ZNF385D: variants seen among roughly 807,000 people sequenced by gnomAD.
ZNF385D encodes zinc finger protein 385D, also known as zinc finger protein 659.
A neutral mutation model predicts 35.8 loss-of-function variants in ZNF385D; 15 were observed. The ratio of observed to expected loss-of-function variants is 0.42; its 90% CI spans 0.28 to 0.64. ZNF385D has a LOEUF of 0.64. ZNF385D is among the 30% of genes least tolerant of loss of function. The pLI is 0.23. For synonymous variants in ZNF385D, 212 were observed against 186.8 expected, an observed-to-expected ratio of 1.13 and a Z score of -1.10; for missense variants, 474 against 494.6, an observed-to-expected ratio of 0.96 and a Z score of 0.39.
At chr3:21,628,057 A>G (rs112249723) in intron 2 of ZNF385D, among the ~76,000 whole-genome samples, 4,215 of 152,228 alleles carry the variant, frequency 0.028, 182 homozygotes, top group African/African-American at 0.092. Context: ...TTTACTACTG[A>G]CATCAACAAC....
intron 2 of ZNF385D, among the ~76,000 whole-genome samples, chr3:21,626,404 A>C (rs1007776016): frequency 4.6e-5 from 7 of 152,276 alleles, no homozygotes; most frequent in African/African-American, 1.4e-4. Context: ...AATGATAGTC[A>C]TTAAATTTAA....
At chr3:22,317,484 G>C (rs924696347) in intron 2 of ZNF385D, among the ~76,000 whole-genome samples, 1 of 152,000 alleles carries the variant, frequency 6.6e-6, no homozygotes, top group African/African-American at 2.4e-5. Flanking sequence ...GATATTACCT[G>C]TGGGACTTTA....
chr3:21,838,116 A>C lies in ZNF385D; in HGVS notation c.326-173088T>G, dbSNP rs183479024. On this transcript the variant is annotated intron_variant, in intron 3 of 5. Transcript: ENST00000494108. ...GGCATGATTATAAAGATTAACAATG[A>C]ATTCCCAGAGTAACACAGAAGAACA... 2.0e-5 allele frequency among the ~76,000 whole-genome samples: 3 copies of C among 152,120 alleles called. No individual in the cohort carries two copies. In the South Asian group the frequency reaches 6.2e-4, roughly 32 times the overall value.
intron 3 of ZNF385D, among the ~76,000 whole-genome samples, chr3:22,016,392 T>C (rs749443282): frequency 6.6e-6 from 1 of 152,154 alleles, no homozygotes; most frequent in Non-Finnish European, 1.5e-5. Flanking sequence ...CTTAGCATTC[T>C]ATGTACTTAG....
At chr3:22,354,970 A>C (rs1696082687) in intron 2 of ZNF385D, among the ~76,000 whole-genome samples, 1 of 152,084 alleles carries the variant, frequency 6.6e-6, no homozygotes, top group Admixed American at 6.6e-5. Flanking sequence ...CTCACTGCAG[A>C]AAGTTCTACT....
chr3:21,773,965 C>T (rs552186051), intron 3 of ZNF385D, among the ~76,000 whole-genome samples: 52 of 152,134 alleles, frequency 3.4e-4, no homozygotes, highest in African/African-American at 1.2e-3. Context: ...AAGATACATG[C>T]ACACATATGT....
At chr3:21,456,573 C>G (rs1702825894) in intron 4 of ZNF385D, among the ~76,000 whole-genome samples, 1 of 151,998 alleles carries the variant, frequency 6.6e-6, no homozygotes, top group Non-Finnish European at 1.5e-5. Context: ...ACATCACACA[C>G]CGGGGCCTGT....
chr3:21,461,118 A>G (rs9942080), intron 4 of ZNF385D, among the ~76,000 whole-genome samples: 3,192 of 152,250 alleles, frequency 0.021, 107 homozygotes, highest in African/African-American at 0.073. Context: ...ATCACATATG[A>G]TATTTTAGGG....
intron 3 of ZNF385D, among the ~76,000 whole-genome samples, chr3:22,034,491 C>T (rs919230181): frequency 6.6e-6 from 1 of 151,782 alleles, no homozygotes; most frequent in Non-Finnish European, 1.5e-5. Context: ...AATTTGATCT[C>T]AAAAAGCAGA....
In ZNF385D at chr3:21,844,062, A is replaced by G. The variant is rs144264113; in HGVS notation, c.326-179034T>C. 7.3e-3 allele frequency among the ~76,000 whole-genome samples: 1,106 copies of G among 152,112 alleles called. 15 individuals are homozygous for G. Among genetic ancestry groups the G allele is most frequent in the African/African-American group, 0.023 (969 of 41,560 alleles). On this transcript the variant is annotated intron_variant, in intron 3 of 5. Transcript: ENST00000494108. ...AGGAATTGTGTTGGAATTTACAAGG[A>G]TGATATCTGGCAGAGATGGGAGATT... is the stretch of plus-strand genomic sequence containing the variant.
chr3:21,895,758 A>G (rs1041476033), intron 3 of ZNF385D, among the ~76,000 whole-genome samples: 1 of 152,104 alleles, frequency 6.6e-6, no homozygotes, highest in East Asian at 1.9e-4. Context: ...CAACTAGGTA[A>G]TATTTAGGAA....
At chr3:21,871,731 C>A (rs541594653) in intron 3 of ZNF385D, among the ~76,000 whole-genome samples, 1 of 152,068 alleles carries the variant, frequency 6.6e-6, no homozygotes, top group South Asian at 2.1e-4. Context: ...CCAGGCCGGG[C>A]GCAGTGGCTC....
At chr3:22,028,333 G>A (rs921015267) in intron 3 of ZNF385D, among the ~76,000 whole-genome samples, 12 of 152,196 alleles carry the variant, frequency 7.9e-5, no homozygotes, top group African/African-American at 2.9e-4. Context: ...TCATCGCCCA[G>A]TGGGCCCATG....
At chr3:21,799,673 C>A (rs141905917) in intron 3 of ZNF385D, among the ~76,000 whole-genome samples, 44 of 152,172 alleles carry the variant, frequency 2.9e-4, no homozygotes, top group Admixed American at 6.6e-4. Flanking sequence ...GAGTATTAGA[C>A]CTTAACAGGC....
At chr3:22,116,929 C>G (rs1239270521) in intron 3 of ZNF385D, among the ~76,000 whole-genome samples, 1 of 151,936 alleles carries the variant, frequency 6.6e-6, no homozygotes, top group African/African-American at 2.4e-5. Context: ...GTGTTTAGGT[C>G]ATTTGGCCAT....
At chr3:21,863,033 A>G (rs1387883736) in intron 3 of ZNF385D, among the ~76,000 whole-genome samples, 2 of 152,154 alleles carry the variant, frequency 1.3e-5, no homozygotes, top group Non-Finnish European at 2.9e-5. Context: ...TGCAAATACT[A>G]TGCTTGTAAA....
chr3:22,057,532 CAG>C (rs553294784), intron 3 of ZNF385D, among the ~76,000 whole-genome samples: 242 of 144,408 alleles, frequency 1.7e-3, no homozygotes, highest in African/African-American at 5.8e-3. Flanking sequence ...TTTTTTGAGA[CAG>C]AGTCTCACTT....
intron 3 of ZNF385D, among the ~76,000 whole-genome samples, chr3:21,554,254 A>G (rs1055119433): frequency 6.6e-6 from 1 of 152,244 alleles, no homozygotes; most frequent in Non-Finnish European, 1.5e-5. Flanking sequence ...GTTAGCAGGC[A>G]TAAAAACAAC....
chr3:21,921,596 A>G (rs1700464879), intron 3 of ZNF385D, among the ~76,000 whole-genome samples: 1 of 152,142 alleles, frequency 6.6e-6, no homozygotes, highest in African/African-American at 2.4e-5. Context: ...ATTTACCAGG[A>G]TTATGAAAAT....
Sources: gnomAD v4.1 joint callset for allele counts (sites outside exome capture counted in the v4.1 genomes callset) on GRCh38, gnomAD v4.1.1 for gene constraint, MANE v1.5 for transcripts, NCBI Gene and HGNC (gene_info 2026-07-23, HGNC 2026-07-21) for gene names.